CFAP300: variants seen among roughly 807,000 people sequenced by gnomAD.
CFAP300 encodes the protein cilia- and flagella-associated protein 300.
CFAP300 carries 32 observed loss-of-function variants against 33.0 expected under a neutral mutation model. That is an observed-to-expected ratio of 0.97 (90% confidence interval 0.73 to 1.30). The LOEUF is 1.30. Among genes scored for constraint, CFAP300 ranks in the 50% most tolerant of loss-of-function variants. The pLI is 0.00. For synonymous variants in CFAP300, 102 were observed against 106.8 expected (o/e 0.95, Z 0.28); for missense variants, 356 against 318.1 (o/e 1.12, Z -0.90).
chr11:102,062,810 C>T (rs775122538), intron 3 of CFAP300, among the ~76,000 whole-genome samples: 1 of 152,192 alleles, frequency 6.6e-6, no homozygotes, highest in Non-Finnish European at 1.5e-5. Context: ...ATGGGTATGA[C>T]TTATGGACTT....
chr11:102,067,093 A>G (rs1942240010), intron 4 of CFAP300, among the ~76,000 whole-genome samples: 1 of 152,196 alleles, frequency 6.6e-6, no homozygotes, highest in Admixed American at 6.5e-5. Context: ...TAATTCCAGC[A>G]CTTTGGGAGG....
intron 2 of CFAP300, among the ~76,000 whole-genome samples, chr11:102,057,447 GT>G (rs11354639): frequency 0.56 from 84,075 of 149,608 alleles, 24,813 homozygotes; most frequent in East Asian, 0.75. Flanking sequence ...CTTACAGTTA[GT>G]TTTTTTTTTT....
chr11:102,072,565 AG>A, intron 4 of CFAP300, among the ~76,000 whole-genome samples: 1 of 152,042 alleles, frequency 6.6e-6, no homozygotes, highest in African/African-American at 2.4e-5. Flanking sequence ...AGCCTCCCAA[AG>A]TTTTGGGATT....
At chr11:102,053,915 A>G (rs1010915459) in intron 2 of CFAP300, among the ~76,000 whole-genome samples, 1 of 152,198 alleles carries the variant, frequency 6.6e-6, no homozygotes, top group Non-Finnish European at 1.5e-5. Context: ...AATGGAATGT[A>G]TCATCCTTTC....
At chr11:102,073,600 C>T (rs1462021409) in intron 4 of CFAP300, among the ~76,000 whole-genome samples, 3 of 152,174 alleles carry the variant, frequency 2.0e-5, no homozygotes, top group African/African-American at 7.2e-5. Context: ...GGAGAAAGCT[C>T]ATCCTGAGGG....
chr11:102,072,982 C>A (rs986571993), intron 4 of CFAP300, among the ~76,000 whole-genome samples: 1 of 152,092 alleles, frequency 6.6e-6, no homozygotes, highest in Admixed American at 6.6e-5. Flanking sequence ...TTGCTGGGGA[C>A]AGGTAGGCCA....
intron 5 of CFAP300, among the ~76,000 whole-genome samples, chr11:102,077,972 C>T (rs1377731485): frequency 6.6e-6 from 1 of 152,132 alleles, no homozygotes; most frequent in African/African-American, 2.4e-5. Flanking sequence ...CTCACTGCAA[C>T]GTCTGCCTCC....
Position 102,047,820 on chromosome 11 carries a change from T to A in CFAP300, c.116T>A (p.Met39Lys), listed in dbSNP as rs1236276633. Residue 39 changes from methionine (M) to lysine (K), a missense_variant, in exon 2 of 7, where the codon ATG becomes AAG. By Grantham distance (95) the Met-to-Lys change is moderately conservative. Coordinates refer to ENST00000434758, the MANE Select transcript of CFAP300 (RefSeq NM_032930.3). ...EITSRLRQWSMLGRIKAQAFG... is the reference protein window; with the variant it reads ...EITSRLRQWSKLGRIKAQAFG... ...TTTTTCCTCCTCTGCCCCAGGTCCA[T>A]GCTGGGCAGAATCAAGGCGCAGGCG... 1 of 1,614,150 alleles carries A rather than the reference T, an allele frequency of 6.2e-7. No individual in the cohort carries two copies.
At position 102,047,872 on chromosome 11, in the gene CFAP300, C is replaced by A; in HGVS notation, c.168C>A (p.Ser56=). The A allele has an allele frequency of 6.2e-7, 1 of 1,614,202 alleles. No homozygotes were observed. The highest frequency in any genetic ancestry group is 8.5e-7 in the Non-Finnish European group (1 of 1,180,024). ...QAFGFDQTFQ[S]YRKDDFVMAF... Reference sequence around the variant, plus strand: ...TCGGCTTTGACCAGACCTTTCAGTCCTATCGGAAGGATGATTTCGTTATGG... The same window carrying A: ...TCGGCTTTGACCAGACCTTTCAGTCATATCGGAAGGATGATTTCGTTATGG... Residue 56 remains serine (S), a synonymous_variant, in exon 2 of 7, where the codon TCC becomes TCA. Coordinates refer to ENST00000434758, the MANE Select transcript of CFAP300 (RefSeq NM_032930.3).
chr11:102,059,426 A>T (rs1256770494), intron 3 of CFAP300, among the ~76,000 whole-genome samples: 1 of 151,818 alleles, frequency 6.6e-6, no homozygotes, highest in Admixed American at 6.6e-5. Context: ...AGGCGGGCGG[A>T]TCACTTGAGT....
At chr11:102,078,791 C>T (rs1450027103) in intron 5 of CFAP300, among the ~76,000 whole-genome samples, 1 of 152,298 alleles carries the variant, frequency 6.6e-6, no homozygotes, top group South Asian at 2.1e-4. Context: ...TCACTGCAAC[C>T]TCCGCCTACC....
intron 2 of CFAP300, among the ~76,000 whole-genome samples, chr11:102,048,143 C>T (rs1941913061): frequency 6.6e-6 from 1 of 152,190 alleles, no homozygotes; most frequent in Non-Finnish European, 1.5e-5. Flanking sequence ...CCTCGGGGAA[C>T]TTTGCAGTTC....
At chr11:102,051,074 G>A (rs1169519968) in intron 2 of CFAP300, among the ~76,000 whole-genome samples, 1 of 152,078 alleles carries the variant, frequency 6.6e-6, no homozygotes, top group Non-Finnish European at 1.5e-5. Flanking sequence ...GTAAAGGAGA[G>A]GGGGACATGT....
intron 5 of CFAP300, among the ~76,000 whole-genome samples, chr11:102,076,922 T>C (rs1942403330): frequency 6.6e-6 from 1 of 152,188 alleles, no homozygotes; most frequent in African/African-American, 2.4e-5. Context: ...TGTCAACACA[T>C]ACAGATTATT....
intron 2 of CFAP300, among the ~76,000 whole-genome samples, chr11:102,053,465 C>T (rs1362867196): frequency 1.3e-5 from 2 of 152,070 alleles, no homozygotes; most frequent in Non-Finnish European, 2.9e-5. Context: ...GCAGGAGAAT[C>T]GCTTGAACCC....
chr11:102,048,506 A>T (rs1243618918), intron 2 of CFAP300, among the ~76,000 whole-genome samples: 1 of 152,246 alleles, frequency 6.6e-6, no homozygotes, highest in African/African-American at 2.4e-5. Flanking sequence ...CTCTTTTTCA[A>T]TAGGCACATC....
Position 102,047,483 on chromosome 11 carries a change from G to T in CFAP300, c.13G>T (p.Glu5Ter). 2 of 1,535,960 alleles carry T rather than the reference G, an allele frequency of 1.3e-6. No individual in the cohort carries two copies. Among genetic ancestry groups the T allele is most frequent in the Non-Finnish European group, 1.7e-6 (2 of 1,146,772 alleles). The part of the protein sequence containing the change: MATG[E>*]LGDLGGYYFR... ...AGCCGAGAGCACGATGGCTACTGGGGAGCTCGGGGACTTGGGTGGCTACTA... is the reference window on the plus strand; with the variant it reads ...AGCCGAGAGCACGATGGCTACTGGGTAGCTCGGGGACTTGGGTGGCTACTA... Residue 5 changes from glutamate to a stop codon, truncating the protein, a stop_gained, in exon 1 of 7, where the codon GAG becomes TAG. Coordinates refer to ENST00000434758, the MANE Select transcript of CFAP300 (RefSeq NM_032930.3). LOFTEE classifies it high-confidence loss of function.
chr11:102,068,143 G>A (rs1464145891), intron 4 of CFAP300, among the ~76,000 whole-genome samples: 7 of 152,300 alleles, frequency 4.6e-5, no homozygotes, highest in East Asian at 3.9e-4. Flanking sequence ...ACAATGGCTG[G>A]AGCTTAGTAA....
At chr11:102,079,749 C>T (rs1942447828) in intron 5 of CFAP300, among the ~76,000 whole-genome samples, 1 of 152,120 alleles carries the variant, frequency 6.6e-6, no homozygotes, top group Non-Finnish European at 1.5e-5. Flanking sequence ...ATTAATAATA[C>T]CTTTGATACC....
Sources: allele counts gnomAD v4.1 joint callset (sites outside exome capture counted in the v4.1 genomes callset), GRCh38; gene constraint gnomAD v4.1.1; transcripts MANE v1.5; gene names NCBI Gene and HGNC (gene_info 2026-07-23, HGNC 2026-07-21).